The following B3GALNT2 variants were observed in gnomAD, a reference collection of about 807,000 sequenced individuals.
B3GALNT2 encodes the protein beta-1,3-N-acetylgalactosaminyltransferase 2.
Under a neutral mutation model 61.1 loss-of-function variants are expected in B3GALNT2, and 53 were observed. That is an observed-to-expected ratio of 0.87 (90% CI 0.70 to 1.09). The LOEUF (loss-of-function observed/expected upper bound fraction) is 1.09, where lower values mean the gene tolerates loss of function less well. B3GALNT2 is among the 50% of genes least tolerant of loss of function. The pLI is 0.00. For synonymous variants in B3GALNT2, 223 were observed against 237.4 expected (o/e 0.94, Z 0.56); for missense variants, 544 against 623.0 (o/e 0.87, Z 1.35).
At chr1:235,460,947 C>G (rs1334675967) in intron 7 of B3GALNT2, among the ~76,000 whole-genome samples, 1 of 152,182 alleles carries the variant, frequency 6.6e-6, no homozygotes, top group African/African-American at 2.4e-5. Flanking sequence ...TTTGCCACTT[C>G]ACAAGTTAAT....
At chr1:235,465,462 G>T in intron 7 of B3GALNT2, 174 bp downstream of exon 7, 1 of 1,008,350 alleles carries the variant, frequency 9.9e-7, no homozygotes, top group Non-Finnish European at 1.4e-6. Context: ...GGGAGGTGGA[G>T]CCGGTTGTAG....
At chr1:235,501,139 C>T (rs1189849711) in intron 1 of B3GALNT2, among the ~76,000 whole-genome samples, 1 of 152,076 alleles carries the variant, frequency 6.6e-6, no homozygotes, top group Non-Finnish European at 1.5e-5. Context: ...CTAAATTAAC[C>T]GTTAAATAAT....
At chr1:235,490,467 G>T (rs1049086412) in intron 2 of B3GALNT2, among the ~76,000 whole-genome samples, 34 of 152,278 alleles carry the variant, frequency 2.2e-4, no homozygotes, top group Admixed American at 7.2e-4. Context: ...TTGGCGTCAA[G>T]TGATCTGCCT....
chr1:235,490,104 A>G (rs1191974169), intron 2 of B3GALNT2, among the ~76,000 whole-genome samples: 2 of 152,058 alleles, frequency 1.3e-5, no homozygotes, highest in Non-Finnish European at 2.9e-5. Flanking sequence ...GAGTGGTATT[A>G]GTCTAGGGCT....
At chr1:235,497,359 T>C (rs2102867949) in intron 1 of B3GALNT2, among the ~76,000 whole-genome samples, 1 of 152,312 alleles carries the variant, frequency 6.6e-6, no homozygotes, top group Non-Finnish European at 1.5e-5. Flanking sequence ...AAGAAATTAT[T>C]TAAATCCCTG....
intron 1 of B3GALNT2, 119 bp from the exon 2 acceptor site, chr1:235,494,947 A>C: frequency 1.9e-6 from 2 of 1,047,958 alleles, no homozygotes; most frequent in Non-Finnish European, 2.6e-6. Flanking sequence ...GATAAACACA[A>C]AGAAAAGAAT....
intron 3 of B3GALNT2, 172 bp from the exon 4 acceptor site, chr1:235,484,687 A>C: frequency 8.2e-7 from 1 of 1,221,286 alleles, no homozygotes; most frequent in Non-Finnish European, 1.1e-6. Flanking sequence ...TTCTATATAA[A>C]CATTTTTGAA....
chr1:235,450,530 A>G, intron 11 of B3GALNT2, 190 bp from the exon 12 acceptor site: 1 of 600,392 alleles, frequency 1.7e-6, no homozygotes, highest in Non-Finnish European at 2.9e-6. Context: ...CAGGTCCCAC[A>G]GTCCTGTGGC....
chr1:235,472,866 AT>A (rs567803655), intron 5 of B3GALNT2, among the ~76,000 whole-genome samples: 1 of 151,602 alleles, frequency 6.6e-6, no homozygotes, highest in Non-Finnish European at 1.5e-5. Flanking sequence ...GTTTATAAAC[AT>A]TTTTTTCCCT....
At chr1:235,461,540 G>C (rs1683435467) in intron 7 of B3GALNT2, among the ~76,000 whole-genome samples, 1 of 94,704 alleles carries the variant, frequency 1.1e-5, no homozygotes, top group African/African-American at 4.0e-5. Context: ...TTTTTGAGAT[G>C]GAGTCTCACT....
chr1:235,467,105 T>A (rs1449232685), intron 6 of B3GALNT2, among the ~76,000 whole-genome samples: 1 of 152,088 alleles, frequency 6.6e-6, no homozygotes, highest in African/African-American at 2.4e-5. Context: ...TCCCAGCACT[T>A]TGGGAGGCGG....
intron 2 of B3GALNT2, among the ~76,000 whole-genome samples, chr1:235,490,753 A>C (rs1424235044): frequency 1.3e-5 from 2 of 151,942 alleles, no homozygotes; most frequent in Non-Finnish European, 2.9e-5. Flanking sequence ...ATCAAAGGAA[A>C]TACTCAAATT....
At chr1:235,461,514 T>TG (rs1488368024) in intron 7 of B3GALNT2, among the ~76,000 whole-genome samples, 4 of 131,310 alleles carry the variant, frequency 3.0e-5, no homozygotes, top group Admixed American at 7.8e-5. Context: ...CCTGTTTTTT[T>TG]TTTTTTTTTT....
chr1:235,497,972 T>TC (rs1339318599), intron 1 of B3GALNT2, among the ~76,000 whole-genome samples: 3 of 152,230 alleles, frequency 2.0e-5, no homozygotes, highest in Non-Finnish European at 2.9e-5. Context: ...CTGCTTCTGT[T>TC]CAACTGCTTT....
intron 10 of B3GALNT2, among the ~76,000 whole-genome samples, chr1:235,453,843 A>G (rs1683041007): frequency 6.6e-6 from 1 of 152,158 alleles, no homozygotes; most frequent in Non-Finnish European, 1.5e-5. Context: ...TGAGGGATGT[A>G]GGGGTGCATC....
At chr1:235,451,621 A>G (rs1033446148) in intron 11 of B3GALNT2, 2 of 152,198 alleles carry the variant, frequency 1.3e-5, no homozygotes, top group Non-Finnish European at 2.9e-5. Flanking sequence ...AAGATGAGAC[A>G]AAGTACAGCA....
chr1:235,471,953 G>A (rs527703251), intron 5 of B3GALNT2, among the ~76,000 whole-genome samples: 3 of 151,584 alleles, frequency 2.0e-5, no homozygotes, highest in South Asian at 2.1e-4. Flanking sequence ...ATGAGCCACG[G>A]CGCCCTGCCT....
intron 1 of B3GALNT2, among the ~76,000 whole-genome samples, chr1:235,497,554 A>G (rs55880265): frequency 0.022 from 3,314 of 152,336 alleles, 134 homozygotes; most frequent in African/African-American, 0.075. Flanking sequence ...AACTTTCAAA[A>G]TATTTGAAAC....
At chr1:235,465,376 C>T (rs572955688) in intron 7 of B3GALNT2, 10 of 352,974 alleles carry the variant, frequency 2.8e-5, no homozygotes, top group Non-Finnish European at 4.7e-5. Flanking sequence ...GAAAGTGCAT[C>T]AGTAGTTGTT....
Sources: gnomAD v4.1 joint callset for allele counts (sites outside exome capture counted in the v4.1 genomes callset) on GRCh38, gnomAD v4.1.1 for gene constraint, MANE v1.5 for transcripts, NCBI Gene and HGNC (gene_info 2026-07-23, HGNC 2026-07-21) for gene names.